Variants in THRAP3 observed in about 807,000 individuals in gnomAD.
THRAP3 encodes thyroid hormone receptor associated protein 3.
A neutral mutation model predicts 101.0 loss-of-function variants in THRAP3; 16 were observed. The observed-to-expected ratio is 0.16, with a 90% CI of 0.11 to 0.24. The LOEUF is 0.24. THRAP3 is among the 10% of genes least tolerant of loss of function. THRAP3 has a pLI of 1.00. For synonymous variants in THRAP3, 407 were observed against 422.6 expected (o/e 0.96, Z 0.45); for missense variants, 989 against 1,202.7 (o/e 0.82, Z 2.63).
chr1:36,247,015 T>G (rs1448203728), intron 1 of THRAP3, among the ~76,000 whole-genome samples: 2 of 151,964 alleles, frequency 1.3e-5, no homozygotes, highest in African/African-American at 4.8e-5. Flanking sequence ...TTTCTTAGTC[T>G]TTTTTAAAAA....
At chr1:36,220,972 A>ATATAT (rs1553189233), upstream of THRAP3, among the ~76,000 whole-genome samples, 13 of 94,120 alleles carry the variant, frequency 1.4e-4, no homozygotes, top group South Asian at 6.6e-4. Flanking sequence ...AAAAAAAAAA[A>ATATAT]ATATATATAT....
chr1:36,261,544 A>C (rs1042761840), intron 2 of THRAP3, among the ~76,000 whole-genome samples: 5 of 152,160 alleles, frequency 3.3e-5, no homozygotes, highest in Non-Finnish European at 7.3e-5. Context: ...AAAAAAGTAA[A>C]AATAAAATAA....
At chr1:36,274,793 C>T (rs1042254143) in intron 2 of THRAP3, among the ~76,000 whole-genome samples, 2 of 151,080 alleles carry the variant, frequency 1.3e-5, no homozygotes, top group Non-Finnish European at 3.0e-5. Context: ...CCATCACGCC[C>T]AGCTAATTTT....
rs552709715 is a variant in THRAP3 at position 36,253,341 on chromosome 1, TAGAC to T, written c.-134-6037_-134-6034del. Among the ~76,000 whole-genome samples, 6 of 152,288 alleles carry T rather than the reference TAGAC, an allele frequency of 3.9e-5. No individual in the cohort carries two copies. In the South Asian group the frequency reaches 1.2e-3, roughly 32 times the overall value. ...GATGGAAGCTCCTTAGCTGCACAGT[TAGAC>T]AGATTTTGAAATATGGAGATTTAGT... is the stretch of plus-strand genomic sequence containing the variant. On this transcript the variant is annotated intron_variant, in intron 1 of 11. Coordinates refer to ENST00000354618, the MANE Select transcript of THRAP3 (RefSeq NM_005119.4).
At chr1:36,238,085 G>A (rs989415060) in intron 1 of THRAP3, among the ~76,000 whole-genome samples, 4 of 151,744 alleles carry the variant, frequency 2.6e-5, no homozygotes, top group South Asian at 4.2e-4. Context: ...CACTCATCTC[G>A]GCCTCCCAAA....
At chr1:36,250,565 G>T (rs1214033702) in intron 1 of THRAP3, among the ~76,000 whole-genome samples, 2 of 151,984 alleles carry the variant, frequency 1.3e-5, no homozygotes, top group Non-Finnish European at 2.9e-5. Flanking sequence ...ACGTAATAGT[G>T]AGATTATTTA....
chr1:36,213,964 A>G, the THRAP3 span, among the ~76,000 whole-genome samples: 1 of 101,046 alleles, frequency 9.9e-6, no homozygotes, highest in South Asian at 2.8e-4. Flanking sequence ...AGAAAGAAGG[A>G]AAGAGAAAGA....
At chr1:36,252,673 T>C (rs971614674) in intron 1 of THRAP3, among the ~76,000 whole-genome samples, 1 of 151,712 alleles carries the variant, frequency 6.6e-6, no homozygotes, top group African/African-American at 2.4e-5. Flanking sequence ...TTTGGGAGGC[T>C]GAGGCGGGCA....
chr1:36,241,146 G>A (rs1407186208), intron 1 of THRAP3, among the ~76,000 whole-genome samples: 1 of 147,122 alleles, frequency 6.8e-6, no homozygotes, highest in African/African-American at 2.5e-5. Flanking sequence ...GGCGGAGCTT[G>A]CAGTGAGCCG....
the THRAP3 span, among the ~76,000 whole-genome samples, chr1:36,214,121 TA>T: frequency 6.6e-6 from 1 of 152,218 alleles, no homozygotes; most frequent in African/African-American, 2.4e-5. Flanking sequence ...ATGACACACC[TA>T]CTGCTGTCAA....
intron 1 of THRAP3, 52 bp downstream of exon 1, chr1:36,224,557 T>C (rs1644936912): frequency 6.6e-6 from 1 of 152,412 alleles, no homozygotes; most frequent in African/African-American, 2.4e-5. Flanking sequence ...GCTCTAGTGG[T>C]TTCGTCTCTT....
At chr1:36,224,219 C>T (rs1211530849), upstream of THRAP3, among the ~76,000 whole-genome samples, 1 of 152,220 alleles carries the variant, frequency 6.6e-6, no homozygotes, top group African/African-American at 2.4e-5. Flanking sequence ...GCCACCCAGG[C>T]GGGGGGAGGG....
At chr1:36,218,774 T>C in the THRAP3 span, among the ~76,000 whole-genome samples, 2 of 147,386 alleles carry the variant, frequency 1.4e-5, no homozygotes, top group African/African-American at 5.0e-5. Flanking sequence ...GTGGCTCACG[T>C]CTGTAATCCC....
Position 36,231,246 on chromosome 1 carries a change from A to G in THRAP3, c.-135+6741A>G, listed in dbSNP as rs367741765. Among the ~76,000 whole-genome samples the G allele has an allele frequency of 7.9e-5, 12 of 152,332 alleles. 1 individual carries two copies. The South Asian group carries it at 2.3e-3, about 29-fold the overall frequency. ...AGCTTTGAAAGATGGAGTTGAAGCA[A>G]TGCAGGGGGAACCCCCAAAACACTG... is the stretch of plus-strand genomic sequence containing the variant. On this transcript the variant is annotated intron_variant, in intron 1 of 11. Coordinates refer to ENST00000354618, the MANE Select transcript of THRAP3 (RefSeq NM_005119.4).
At chr1:36,255,794 A>G (rs1645366317) in intron 1 of THRAP3, among the ~76,000 whole-genome samples, 2 of 151,118 alleles carry the variant, frequency 1.3e-5, no homozygotes, top group East Asian at 2.0e-4. Context: ...AAGAAAAGAA[A>G]GAAAGATTGC....
At chr1:36,220,981 A>G (rs1022692836), upstream of THRAP3, among the ~76,000 whole-genome samples, 9 of 134,138 alleles carry the variant, frequency 6.7e-5, no homozygotes, top group Non-Finnish European at 9.4e-5. Context: ...AAATATATAT[A>G]TATATATATA....
Position 36,303,996 on chromosome 1 carries a change from T to G in THRAP3, c.2847T>G (p.Asn949Lys), listed in dbSNP as rs373571161. 1 of 1,580,986 alleles carries G rather than the reference T, an allele frequency of 6.3e-7. No individual in the cohort carries two copies. The highest frequency in any genetic ancestry group is 1.4e-5 in the African/African-American group (1 of 73,500). The change falls in exon 12 of 12, where the codon AAT (asparagine) becomes AAG (lysine). Residue 949 changes from asparagine to lysine, a missense_variant. Asn to Lys is a moderately conservative substitution (Grantham distance 94). Transcript: ENST00000354618. ...CAGAGAACCGAGAAGAGAAGGACAATATACAGCCCACAACCGAGTAGGGGC... is the reference window on the plus strand; with the variant it reads ...CAGAGAACCGAGAAGAGAAGGACAAGATACAGCCCACAACCGAGTAGGGGC... ...SGTENREEKD[N>K]IQPTTE
intron 2 of THRAP3, among the ~76,000 whole-genome samples, chr1:36,262,755 G>A (rs1645461783): frequency 6.6e-6 from 1 of 150,466 alleles, no homozygotes; most frequent in South Asian, 2.1e-4. Context: ...GGCTTTAATA[G>A]TAATGCTTCT....
chr1:36,243,432 AAC>A, intron 1 of THRAP3, among the ~76,000 whole-genome samples: 1 of 151,918 alleles, frequency 6.6e-6, no homozygotes, highest in Non-Finnish European at 1.5e-5. Flanking sequence ...GCATCTGTTT[AAC>A]AAAGCACATC....
Sources: allele counts gnomAD v4.1 joint callset (sites outside exome capture counted in the v4.1 genomes callset), GRCh38; gene constraint gnomAD v4.1.1; transcripts MANE v1.5; gene names NCBI Gene and HGNC (gene_info 2026-07-23, HGNC 2026-07-21).